Variants in DPH5 observed in about 807,000 individuals in gnomAD.
DPH5 encodes the protein diphthine methyl ester synthase.
In DPH5, 31 loss-of-function variants were observed where a neutral mutation model predicts 31.6. That is an observed-to-expected ratio of 0.98 (90% CI 0.74 to 1.32). The LOEUF (loss-of-function observed/expected upper bound fraction) is 1.32, where lower values mean the gene tolerates loss of function less well. Among genes scored for constraint, DPH5 ranks in the 40% most tolerant of loss-of-function variants. The pLI, the probability that DPH5 is intolerant of heterozygous loss-of-function variation, is 0.00. For missense variants in DPH5, 309 were observed against 335.7 expected (o/e 0.92, Z 0.62); for synonymous variants, 120 against 115.0 (o/e 1.04, Z -0.28).
At position 101,018,921 on chromosome 1, in the gene DPH5, G is replaced by A. The variant is rs527803655; in HGVS notation, c.260+2720C>T. Among the ~76,000 whole-genome samples the A allele has an allele frequency of 1.6e-3, 246 of 152,214 alleles. 1 individual carries two copies. The highest frequency in any genetic ancestry group is 2.5e-3 in the Admixed American group (38 of 15,288). On this transcript the variant is annotated intron_variant, in intron 3 of 7. Coordinates refer to ENST00000370109, the MANE Select transcript of DPH5 (RefSeq NM_015958.3). ...CTGCCATTGATTTTATAGTTATTAG[G>A]TATCAAGCACTGTTCACATTCATTA... is the stretch of plus-strand genomic sequence containing the variant.
chr1:101,011,946 G>A (rs1183764205), intron 4 of DPH5, among the ~76,000 whole-genome samples: 1 of 144,184 alleles, frequency 6.9e-6, no homozygotes, highest in African/African-American at 2.6e-5. Context: ...TGTCACCCAG[G>A]CTGGAGTGCA....
At chr1:100,992,045 C>A (rs1344970425) in intron 7 of DPH5, among the ~76,000 whole-genome samples, 1 of 151,570 alleles carries the variant, frequency 6.6e-6, no homozygotes, top group Non-Finnish European at 1.5e-5. Flanking sequence ...CTGCAATGAG[C>A]TGAGATAGTG....
chr1:101,002,787 G>A (rs1570669905), intron 4 of DPH5, among the ~76,000 whole-genome samples: 1 of 152,108 alleles, frequency 6.6e-6, no homozygotes, highest in Non-Finnish European at 1.5e-5. Context: ...TCTGCTTCCA[G>A]TAGCCTAAGG....
chr1:101,024,879 G>T (rs1290237121), intron 2 of DPH5: 2 of 163,196 alleles, frequency 1.2e-5, no homozygotes, highest in Admixed American at 1.2e-4. Flanking sequence ...GATACAAAAA[G>T]GCAATCGCCA....
At position 101,013,761 on chromosome 1, in the gene DPH5, T is replaced by C. The variant is rs1395908034; in HGVS notation, c.318A>G (p.Arg106=). ...LRATKLGIPY[R]VIHNASIMNA... is the part of the protein sequence containing the mutation. ...TCATTATGGAGGCATTGTGAATAACTCTATAAGGAATTCCCAGCTTTGTTG... is the reference window on the plus strand; with the variant it reads ...TCATTATGGAGGCATTGTGAATAACCCTATAAGGAATTCCCAGCTTTGTTG... Residue 106 remains arginine, a synonymous_variant, in exon 4 of 8, where the codon AGA becomes AGG. Transcript: ENST00000370109. 1.2e-6 allele frequency: 2 copies of C among 1,613,258 alleles called. No individual in the cohort carries two copies. Among genetic ancestry groups the C allele is most frequent in the South Asian group, 1.1e-5 (1 of 90,992 alleles).
At chr1:101,011,325 C>T (rs753574059) in intron 4 of DPH5, among the ~76,000 whole-genome samples, 6 of 152,258 alleles carry the variant, frequency 3.9e-5, no homozygotes, top group Non-Finnish European at 8.8e-5. Context: ...AATGTGATCA[C>T]TATATAAGAC....
In DPH5 at chr1:101,025,381, T is replaced by C. The variant is rs867767657; in HGVS notation, c.63A>G (p.Glu21=). The C allele has an allele frequency of 1.1e-5, 17 of 1,614,090 alleles. No homozygotes were observed. Among genetic ancestry groups the C allele is most frequent in the Middle Eastern group, 1.6e-4 (1 of 6,084 alleles). Residue 21 remains glutamate, a synonymous_variant, in exon 2 of 8, where the codon GAA becomes GAG. Transcript: ENST00000370109. ...DAKDITVKGL[E]VVRRCSRVYL... is the part of the protein sequence containing the mutation. ...ACACTCGACTGCAGCGTCTAACAAC[T>C]TCCAGGCCCTTGACTGTGATGTCCT...
In DPH5 at chr1:100,990,717, A is replaced by C. The variant is rs937591545; in HGVS notation, c.635-86T>G. The C allele has an allele frequency of 4.7e-6, 6 of 1,267,742 alleles. No homozygotes were observed. The African/African-American group carries it at 7.4e-5, about 16-fold the overall frequency. 78.5% of individuals were successfully genotyped at this position (1,267,742 alleles called of 1,614,324 possible). A position where few individuals can be genotyped will look rare whatever the true frequency, so the allele number is the denominator to read the frequency against. On this transcript the variant is annotated intron_variant, in intron 7 of 7. Coordinates refer to ENST00000370109, the MANE Select transcript of DPH5 (RefSeq NM_015958.3). ...AAACAAACATTAGTACCACAAGTAC[A>C]TTTCAAGAAGCCCCAAATATCTTAA... is the stretch of plus-strand genomic sequence containing the variant.
intron 2 of DPH5, chr1:101,025,103 A>C (rs1320942628): frequency 1.7e-6 from 1 of 597,890 alleles, no homozygotes; most frequent in East Asian, 3.1e-5. Context: ...TAGACTTGTA[A>C]AATAGGACAA....
intron 5 of DPH5, chr1:100,995,401 G>A: frequency 2.7e-6 from 1 of 371,022 alleles, no homozygotes; most frequent in Non-Finnish European, 5.0e-6. Context: ...AGAAGACAAG[G>A]GAAAGAATTA....
At chr1:101,015,059 G>A (rs116231761) in intron 3 of DPH5, among the ~76,000 whole-genome samples, 2,288 of 152,166 alleles carry the variant, frequency 0.015, 29 homozygotes, top group Non-Finnish European at 0.024. Context: ...GGTTGGAATC[G>A]ACCCCTCCCA....
chr1:101,013,628 T>C (rs1659852964), intron 4 of DPH5, 82 bp downstream of exon 4: 3 of 975,798 alleles, frequency 3.1e-6, no homozygotes, highest in Non-Finnish European at 4.6e-6. Flanking sequence ...ATTCATAAAA[T>C]ACAATTAAAT....
intron 4 of DPH5, among the ~76,000 whole-genome samples, chr1:101,004,240 C>A (rs912649332): frequency 6.6e-6 from 1 of 152,160 alleles, no homozygotes; most frequent in Non-Finnish European, 1.5e-5. Context: ...AACAATTTCA[C>A]CATATGTCAA....
chr1:101,022,908 AC>A (rs2101313562), intron 2 of DPH5: 1 of 151,518 alleles, frequency 6.6e-6, no homozygotes, highest in African/African-American at 2.4e-5. Flanking sequence ...AGAGTGGTAG[AC>A]CTCGGCCGGG....
intron 3 of DPH5, among the ~76,000 whole-genome samples, chr1:101,016,441 T>G (rs1570699271): frequency 6.6e-6 from 1 of 151,596 alleles, no homozygotes; most frequent in East Asian, 1.9e-4. Context: ...TTCCTTTTCT[T>G]TCTTTCTTTT....
intron 6 of DPH5, among the ~76,000 whole-genome samples, chr1:100,993,162 A>G (rs1657936681): frequency 6.6e-6 from 1 of 152,144 alleles, no homozygotes; most frequent in Non-Finnish European, 1.5e-5. Context: ...AAACTAAAGC[A>G]TCTTGGATGC....
In DPH5 at chr1:100,991,064, C is replaced by T. The variant is rs543044825; in HGVS notation, c.635-433G>A. On this transcript the variant is annotated intron_variant, in intron 7 of 7. Transcript: ENST00000370109. ...TAAATTCACAGATTTGAGTTTCTGC[C>T]TTGCCATCCAATTAGCTGTGTGATA... 7.9e-5 allele frequency among the ~76,000 whole-genome samples: 12 copies of T among 152,274 alleles called. No individual in the cohort carries two copies. In the South Asian group the frequency reaches 2.1e-3, roughly 26 times the overall value.
At chr1:101,010,700 C>G (rs998354386) in intron 4 of DPH5, among the ~76,000 whole-genome samples, 4 of 152,140 alleles carry the variant, frequency 2.6e-5, no homozygotes, top group African/African-American at 9.7e-5. Context: ...TGCCTTTTCA[C>G]AGTGGTTCTT....
At chr1:101,001,339 G>C (rs182828175) in intron 5 of DPH5, 128 bp downstream of exon 5, 1 of 846,436 alleles carries the variant, frequency 1.2e-6, no homozygotes, top group East Asian at 2.6e-5. Flanking sequence ...AGTGTGGTCT[G>C]CATAGAATGG....
Sources: gnomAD v4.1 joint callset for allele counts (sites outside exome capture counted in the v4.1 genomes callset) on GRCh38, gnomAD v4.1.1 for gene constraint, MANE v1.5 for transcripts, NCBI Gene and HGNC (gene_info 2026-07-23, HGNC 2026-07-21) for gene names.